Variants in HAUS7 observed in about 807,000 individuals in gnomAD.
HAUS7 encodes the protein HAUS augmin-like complex subunit 7.
In HAUS7, 3 loss-of-function variants were observed where a neutral mutation model predicts 28.4. That is an observed-to-expected ratio of 0.11 (90% CI 0.05 to 0.27). The LOEUF is 0.27. Ranked by LOEUF, HAUS7 falls within the 10% of genes least tolerant of loss-of-function variation. The pLI, the probability that HAUS7 is intolerant of heterozygous loss-of-function variation, is 1.00. For synonymous variants in HAUS7, 165 were observed against 132.1 expected, an observed-to-expected ratio of 1.25 and a Z score of -1.71; for missense variants, 284 against 297.3, an observed-to-expected ratio of 0.96 and a Z score of 0.33.
At chrX:153,456,851 A>G in intron 5 of HAUS7, 200 bp from the exon 6 acceptor site, 1 of 439,333 alleles carries the variant, frequency 2.3e-6, no homozygotes, top group Non-Finnish European at 3.9e-6. Context: ...CCCATGGAGC[A>G]CCCTAGGTGC....
At chrX:153,489,932 A>G (rs1347101273) in intron 1 of HAUS7, among the ~76,000 whole-genome samples, 1 of 112,023 alleles carries the variant, frequency 8.9e-6, no homozygotes, top group African/African-American at 3.2e-5. Flanking sequence ...AGCTGCCACC[A>G]TGGCCACACG....
upstream of HAUS7, among the ~76,000 whole-genome samples, chrX:153,471,936 A>AT (rs1207523091): frequency 9.0e-5 from 10 of 110,540 alleles, no homozygotes; most frequent in African/African-American, 1.6e-4. Context: ...AGGCTTTGGG[A>AT]TTTTTTTTTA....
chrX:153,465,605 G>C (rs184409001), intron 2 of HAUS7, among the ~76,000 whole-genome samples: 7 of 112,752 alleles, frequency 6.2e-5, no homozygotes, highest in African/African-American at 2.3e-4. Context: ...CCTTGGGCAC[G>C]GTGAAGGCTT....
intron 1 of HAUS7, among the ~76,000 whole-genome samples, chrX:153,479,719 G>A (rs782747019): frequency 3.7e-4 from 41 of 111,566 alleles, no homozygotes; most frequent in African/African-American, 1.3e-3. Flanking sequence ...TGAGGGGCCC[G>A]AGGACATGGG....
intron 4 of HAUS7, among the ~76,000 whole-genome samples, chrX:153,458,871 G>A (rs1400590713): frequency 3.6e-5 from 4 of 111,726 alleles, no homozygotes; most frequent in African/African-American, 6.5e-5. Flanking sequence ...TGATCCTCCC[G>A]CCTCAGCTTC....
At chrX:153,457,728 G>T (rs2089333970) in intron 4 of HAUS7, among the ~76,000 whole-genome samples, 1 of 113,318 alleles carries the variant, frequency 8.8e-6, no homozygotes, top group South Asian at 3.6e-4. Context: ...AGGAGCAGCA[G>T]CTCCTGCGGG....
intron 1 of HAUS7, among the ~76,000 whole-genome samples, chrX:153,483,802 G>C (rs1465111599): frequency 7.1e-5 from 8 of 112,179 alleles, no homozygotes; most frequent in Non-Finnish European, 1.3e-4. Context: ...CCCCCAGGAA[G>C]CTCACCTGGG....
chrX:153,470,626 T>C (rs1569531272), upstream of HAUS7: 6 of 1,159,999 alleles, frequency 5.2e-6, no homozygotes, highest in Non-Finnish European at 5.8e-6. Context: ...CCAATCAACC[T>C]CCAGCGTTCT....
At chrX:153,493,423 G>A (rs782764284) in intron 1 of HAUS7, among the ~76,000 whole-genome samples, 2 of 112,379 alleles carry the variant, frequency 1.8e-5, no homozygotes, top group Non-Finnish European at 3.8e-5. Flanking sequence ...GGGAAAGAGG[G>A]TGGGACAGAG....
chrX:153,456,668 C>G lies in HAUS7; in HGVS notation c.447-17G>C. 8.7e-7 allele frequency: 1 copy of G among 1,153,411 alleles called. No individual in the cohort carries two copies. Among genetic ancestry groups the G allele is most frequent in the Admixed American group, 2.6e-5 (1 of 38,995 alleles). On this transcript the variant is annotated splice_polypyrimidine_tract_variant and intron_variant, in intron 5 of 9. Transcript: ENST00000370211. ...TCCATCAGGCTGCAAAGGCAGCCCC[C>G]AGGGCCACACCGTCACAGGCCAGAG...
intron 1 of HAUS7, 107 bp downstream of exon 1, chrX:153,470,343 G>A (rs1602944062): frequency 1.1e-5 from 9 of 803,816 alleles, no homozygotes; most frequent in Middle Eastern, 7.7e-4. Context: ...CGGAACCGGC[G>A]ACGGTGGCCG....
chrX:153,465,285 T>C (rs149968465), intron 2 of HAUS7, among the ~76,000 whole-genome samples: 1,708 of 84,502 alleles, frequency 0.02, 44 homozygotes, highest in African/African-American at 0.073. Context: ...TGAATCTGGA[T>C]ACTGAAATGA....
At chrX:153,462,962 G>C (rs1308177213) in intron 3 of HAUS7, 2 of 435,182 alleles carry the variant, frequency 4.6e-6, no homozygotes, top group Non-Finnish European at 4.2e-6. Context: ...AGTGGACAGG[G>C]GTCAGTGAAC....
At chrX:153,486,944 C>A in intron 1 of HAUS7, 2 of 534,152 alleles carry the variant, frequency 3.7e-6, no homozygotes, top group Non-Finnish European at 5.3e-6. Context: ...CACCCACTTC[C>A]CATTGACTGG....
At chrX:153,452,766 T>C (rs918383019) in intron 9 of HAUS7, among the ~76,000 whole-genome samples, 28 of 111,883 alleles carry the variant, frequency 2.5e-4, no homozygotes, top group Non-Finnish European at 3.8e-4. Context: ...GTGGATCACC[T>C]GAGGTCAGCA....
At chrX:153,486,443 G>A (rs1198776260) in intron 1 of HAUS7, among the ~76,000 whole-genome samples, 5 of 112,474 alleles carry the variant, frequency 4.4e-5, no homozygotes, top group African/African-American at 1.3e-4. Flanking sequence ...ACTGAGCCTC[G>A]AGTTGGGAGG....
At chrX:153,470,309 T>G (rs1556984928) in intron 1 of HAUS7, 141 bp downstream of exon 1, 3 of 556,756 alleles carry the variant, frequency 5.4e-6, no homozygotes, top group Admixed American at 3.6e-5. Context: ...AAGCACCCCC[T>G]GCTGCAAGGG....
At chrX:153,462,944 G>A in intron 3 of HAUS7, 2 of 439,822 alleles carry the variant, frequency 4.5e-6, no homozygotes, top group Non-Finnish European at 8.3e-6. Context: ...GCCAGCAGCT[G>A]CCTGAGGAGT....
chrX:153,455,577 G>C lies in HAUS7; in HGVS notation c.895C>G (p.Gln299Glu). 8.3e-7 allele frequency: 1 copy of C among 1,208,110 alleles called. No homozygotes were observed. Among genetic ancestry groups the C allele is most frequent in the Non-Finnish European group, 1.1e-6 (1 of 892,307 alleles). Residue 299 changes from glutamine (Q) to glutamate (E), a missense_variant, in exon 8 of 10, where the codon CAG becomes GAG. Transcript: ENST00000370211. Reference protein sequence around the residue: ...PDLHPCGPIIQATHQNLTSYS... With the variant: ...PDLHPCGPIIEATHQNLTSYS... The stretch of plus-strand genomic sequence containing the variant: ...GAAGTCAGATTCTGGTGCGTGGCCT[G>C]GATGATGGGGCCGCACGGGTGGAGG...
Sources: allele counts gnomAD v4.1 joint callset (sites outside exome capture counted in the v4.1 genomes callset), GRCh38; gene constraint gnomAD v4.1.1; transcripts MANE v1.5; gene names NCBI Gene and HGNC (gene_info 2026-07-23, HGNC 2026-07-21).